Variants in STPG1 observed in about 807,000 individuals in gnomAD.
STPG1 encodes the protein O(6)-methylguanine-induced apoptosis 2.
In STPG1, 33 loss-of-function variants were observed where a neutral mutation model predicts 40.1. That is an observed-to-expected ratio of 0.82 (90% CI 0.62 to 1.10). The LOEUF is 1.10. Among genes scored for constraint, STPG1 ranks in the 50% least tolerant of loss-of-function variants. STPG1 has a pLI of 0.00. For synonymous variants in STPG1, 150 were observed against 155.0 expected, an observed-to-expected ratio of 0.97 and a Z score of 0.24; for missense variants, 396 against 415.1, an observed-to-expected ratio of 0.95 and a Z score of 0.40.
At chr1:24,392,054 C>T in intron 2 of STPG1, 2 of 1,002,652 alleles carry the variant, frequency 2.0e-6, no homozygotes, top group Non-Finnish European at 1.2e-6. Flanking sequence ...GAAGCGTCCT[C>T]ACTGCTCCTT....
chr1:24,403,392 G>C (rs1570097473), intron 1 of STPG1, among the ~76,000 whole-genome samples: 1 of 151,982 alleles, frequency 6.6e-6, no homozygotes, highest in East Asian at 1.9e-4. Context: ...TTTAAAATCA[G>C]GTAGTTCCAA....
intron 1 of STPG1, among the ~76,000 whole-genome samples, chr1:24,409,268 G>A (rs1040484460): frequency 2.6e-5 from 4 of 152,204 alleles, no homozygotes; most frequent in Admixed American, 2.0e-4. Context: ...GCTGGGGCAG[G>A]AGGATCACTT....
At chr1:24,387,436 C>T (rs1471200781) in intron 3 of STPG1, among the ~76,000 whole-genome samples, 1 of 152,100 alleles carries the variant, frequency 6.6e-6, no homozygotes, top group Non-Finnish European at 1.5e-5. Context: ...GGAGGTAAGA[C>T]AGCACACACA....
At chr1:24,371,758 G>GA (rs1641758255) in intron 6 of STPG1, among the ~76,000 whole-genome samples, 1 of 152,134 alleles carries the variant, frequency 6.6e-6, no homozygotes, top group Non-Finnish European at 1.5e-5. Flanking sequence ...AGAAAACAAT[G>GA]AAAAGCAAAA....
chr1:24,389,841 T>A (rs543476515), intron 3 of STPG1, among the ~76,000 whole-genome samples: 3 of 152,316 alleles, frequency 2.0e-5, no homozygotes, highest in East Asian at 3.9e-4. Flanking sequence ...ATATGTATTA[T>A]CTTTGGAGAA....
chr1:24,382,242 T>C (rs944125532), intron 4 of STPG1, among the ~76,000 whole-genome samples: 3 of 152,206 alleles, frequency 2.0e-5, no homozygotes, highest in African/African-American at 7.2e-5. Context: ...TCAGTCTCTT[T>C]GTTGGCACCA....
intron 5 of STPG1, among the ~76,000 whole-genome samples, chr1:24,378,351 T>C (rs1259025941): frequency 6.6e-6 from 1 of 152,128 alleles, no homozygotes; most frequent in African/African-American, 2.4e-5. Flanking sequence ...AAATCTTAAA[T>C]GAGGCCGGGC....
At position 24,369,702 on chromosome 1, in the gene STPG1, T is replaced by C; in HGVS notation, c.709A>G (p.Thr237Ala). ...AAAAGAGTCTTTTTTGGAACTTTTG[T>C]GCAATCACTGGGGTTGTAATAACCA... ...GPGYYNPSDC[T>A]KVPKKTLFPK... Residue 237 changes from threonine (T) to alanine (A), a missense_variant, in exon 7 of 9, where the codon ACA becomes GCA. Coordinates refer to ENST00000337248, the MANE Select transcript of STPG1 (RefSeq NM_001199013.2). 6.3e-7 allele frequency: 1 copy of C among 1,599,264 alleles called. No homozygotes were observed. The highest frequency in any genetic ancestry group is 8.5e-7 in the Non-Finnish European group (1 of 1,171,398).
intron 3 of STPG1, 28 bp downstream of exon 3, chr1:24,391,533 G>A (rs1411616977): frequency 1.7e-5 from 24 of 1,393,136 alleles, no homozygotes; most frequent in East Asian, 2.5e-5. Flanking sequence ...AGACTAAAAC[G>A]AAAGAACCCC....
Position 24,399,274 on chromosome 1 carries a change from T to C in STPG1, c.70+2045A>G, listed in dbSNP as rs954538078. On this transcript the variant is annotated intron_variant, in intron 2 of 8. Transcript: ENST00000337248. The surrounding 1 kb of genome is among the most constrained non-coding windows in gnomAD (Gnocchi z 4.0). ...ATCAAGAAGCAGAGCTGCATATGCC[T>C]GGACACTTGATTTATGACAAAGGTA... Among the ~76,000 whole-genome samples the C allele has an allele frequency of 6.6e-6, 1 of 152,186 alleles. No individual in the cohort carries two copies. The highest frequency in any genetic ancestry group is 2.4e-5 in the African/African-American group (1 of 41,458).
chr1:24,368,285 C>G (rs907928614), intron 7 of STPG1, among the ~76,000 whole-genome samples: 1 of 152,232 alleles, frequency 6.6e-6, no homozygotes, highest in Admixed American at 6.5e-5. Flanking sequence ...GTCCCCTTGC[C>G]CTAGGCTGAT....
At chr1:24,397,497 A>G (rs1643054549) in intron 2 of STPG1, among the ~76,000 whole-genome samples, 1 of 152,190 alleles carries the variant, frequency 6.6e-6, no homozygotes, top group African/African-American at 2.4e-5. Flanking sequence ...AGAGGTCAGC[A>G]GCCCTCATAA....
intron 1 of STPG1, among the ~76,000 whole-genome samples, chr1:24,405,591 T>C (rs1643384342): frequency 6.6e-6 from 1 of 152,352 alleles, no homozygotes; most frequent in Non-Finnish European, 1.5e-5. Flanking sequence ...TTGCAATGTA[T>C]TCCTTCTATC....
intron 6 of STPG1, among the ~76,000 whole-genome samples, chr1:24,371,408 T>C (rs1456393464): frequency 6.6e-6 from 1 of 151,924 alleles, no homozygotes; most frequent in Non-Finnish European, 1.5e-5. Context: ...ACCAATATGG[T>C]GAGACACCAT....
intron 4 of STPG1, among the ~76,000 whole-genome samples, chr1:24,383,506 CA>C (rs1642377525): frequency 2.0e-5 from 3 of 152,156 alleles, no homozygotes; most frequent in Admixed American, 6.5e-5. Context: ...TTAGTCCTAT[CA>C]GATTTCTCAA....
At chr1:24,401,604 A>T in intron 1 of STPG1, 148 bp from the exon 2 acceptor site, 1 of 579,206 alleles carries the variant, frequency 1.7e-6, no homozygotes. Context: ...AGTCCCAAGC[A>T]CATTGTGCTG....
intron 7 of STPG1, among the ~76,000 whole-genome samples, chr1:24,366,244 C>A (rs1029725599): frequency 2.0e-5 from 3 of 152,176 alleles, no homozygotes; most frequent in Non-Finnish European, 4.4e-5. Flanking sequence ...CACCGCCGCT[C>A]CACGTAGCCG....
chr1:24,383,892 T>C lies in STPG1; in HGVS notation c.291+10A>G, dbSNP rs776127476. The C allele has an allele frequency of 9.0e-6, 14 of 1,553,124 alleles. No homozygotes were observed. Among genetic ancestry groups the C allele is most frequent in the Non-Finnish European group, 1.2e-5 (14 of 1,124,560 alleles). ...CAGTTAATGCTTTACTCAAGAGAAG[T>C]GGTTCTCACCATTGAGGGAAACATG... is the stretch of plus-strand genomic sequence containing the variant. On this transcript the variant is annotated intron_variant, in intron 4 of 8. Coordinates refer to ENST00000337248, the MANE Select transcript of STPG1 (RefSeq NM_001199013.2).
chr1:24,401,705 TTTTTGATACGGAG>T (rs1174999409), intron 1 of STPG1, among the ~76,000 whole-genome samples: 2 of 152,198 alleles, frequency 1.3e-5, no homozygotes, highest in Non-Finnish European at 2.9e-5. Flanking sequence ...TATTTTTTAT[TTTTTGATACGGAG>T]TTTTGCTCTT....
Sources: allele counts gnomAD v4.1 joint callset (sites outside exome capture counted in the v4.1 genomes callset), GRCh38; gene constraint gnomAD v4.1.1; non-coding constraint Gnocchi (gnomAD v3.1); transcripts MANE v1.5; gene names NCBI Gene and HGNC (gene_info 2026-07-23, HGNC 2026-07-21).